Variants in DDX4 observed in about 807,000 individuals in gnomAD.
The protein encoded by DDX4 is probable ATP-dependent RNA helicase DDX4.
DDX4 carries 25 observed loss-of-function variants against 100.0 expected under a neutral mutation model. The ratio of observed to expected loss-of-function variants is 0.25; its 90% CI spans 0.18 to 0.35. The LOEUF (loss-of-function observed/expected upper bound fraction) is 0.35. Ranked by LOEUF, DDX4 falls within the 10% of genes least tolerant of loss-of-function variation. DDX4 has a pLI of 1.00. For synonymous variants in DDX4, 259 were observed against 275.7 expected (o/e 0.94, Z 0.60); for missense variants, 635 against 882.4 (o/e 0.72, Z 3.55).
In DDX4 at chr5:55,738,952, C is replaced by G. The variant is rs1758837444; in HGVS notation, c.-12C>G. 6.5e-7 allele frequency: 1 copy of G among 1,538,300 alleles called. No homozygotes were observed. The highest frequency in any genetic ancestry group is 9.0e-7 in the Non-Finnish European group (1 of 1,116,022). The stretch of plus-strand genomic sequence containing the variant: ...CATTTTTTTTTTTTTATGAATAGAA[C>G]TTGAAGCCACCATGGGAGATGAAGA... On this transcript the variant is annotated splice_region_variant and 5_prime_UTR_variant, in exon 2 of 22. Coordinates refer to ENST00000505374, the MANE Select transcript of DDX4 (RefSeq NM_024415.3).
Position 55,816,218 on chromosome 5 carries a change from T to A in DDX4, c.2098-245T>A, listed in dbSNP as rs141120065. On this transcript the variant is annotated intron_variant, in intron 21 of 21. Transcript: ENST00000505374. ...TGTAGTGCATTAAGTTTTCCCCACT[T>A]GTCAAAACTATTGACTTAAAAAATA... Among the ~76,000 whole-genome samples the A allele has an allele frequency of 1.3e-3, 204 of 152,296 alleles. 1 individual carries two copies. The highest frequency in any genetic ancestry group is 4.8e-3 in the African/African-American group (199 of 41,566).
At chr5:55,750,621 A>G (rs1337863693) in intron 3 of DDX4, among the ~76,000 whole-genome samples, 2 of 152,072 alleles carry the variant, frequency 1.3e-5, no homozygotes, top group Non-Finnish European at 2.9e-5. Flanking sequence ...AACCTCAAAT[A>G]TTTCTTCATT....
chr5:55,814,546 G>C (rs979233893), intron 19 of DDX4, among the ~76,000 whole-genome samples: 3 of 151,518 alleles, frequency 2.0e-5, no homozygotes, highest in Admixed American at 2.0e-4. Context: ...ATCCAGGCTG[G>C]AGTGCAATGG....
At chr5:55,741,095 A>G (rs553609971) in intron 2 of DDX4, among the ~76,000 whole-genome samples, 2 of 152,292 alleles carry the variant, frequency 1.3e-5, no homozygotes, top group South Asian at 2.1e-4. Flanking sequence ...CCTGGTCTTA[A>G]TAGCCATCTG....
chr5:55,787,833 A>G lies in DDX4; in HGVS notation c.1018-13A>G. The stretch of plus-strand genomic sequence containing the variant: ...GTGCTATAAGTTTGTAAACTAAGCA[A>G]CTTAACTTCTAGGCGGCTTTTCTCC... On this transcript the variant is annotated splice_polypyrimidine_tract_variant and intron_variant, in intron 14 of 21. Coordinates refer to ENST00000505374, the MANE Select transcript of DDX4 (RefSeq NM_024415.3). The G allele has an allele frequency of 2.5e-6, 4 of 1,610,640 alleles. No individual in the cohort carries two copies. Among genetic ancestry groups the G allele is most frequent in the South Asian group, 2.2e-5 (2 of 90,374 alleles).
At chr5:55,742,606 T>C (rs1199407253) in intron 2 of DDX4, among the ~76,000 whole-genome samples, 1 of 152,234 alleles carries the variant, frequency 6.6e-6, no homozygotes, top group South Asian at 2.1e-4. Flanking sequence ...AGAACACTTA[T>C]GTGTTAAACA....
intron 12 of DDX4, 31 bp from the exon 13 acceptor site, chr5:55,785,698 C>A: frequency 6.3e-7 from 1 of 1,587,748 alleles, no homozygotes; most frequent in Non-Finnish European, 8.6e-7. Context: ...GTCTCTGTAA[C>A]GTACATTATG....
chr5:55,801,846 C>T (rs954597231), intron 18 of DDX4, among the ~76,000 whole-genome samples: 7 of 152,178 alleles, frequency 4.6e-5, no homozygotes, highest in African/African-American at 1.4e-4. Context: ...GAAACTAAGT[C>T]TCAGAAACTC....
Position 55,780,051 on chromosome 5 carries a change from G to T in DDX4, c.482G>T (p.Gly161Val), listed in dbSNP as rs1225541174. Residue 161 changes from glycine to valine, a missense_variant, in exon 8 of 22, where the codon GGT (glycine) becomes GTT (valine). Around this residue, in one of 4 missense-constraint regions of DDX4, gnomAD observed 446 missense variants for 540.8 expected, o/e 0.82. Transcript: ENST00000505374. ...TTCCGAGGTTGCCGTGGAGGATTTGGTCTAGGAAGTCCAAGTTAGTACTGG... is the reference window on the plus strand; with the variant it reads ...TTCCGAGGTTGCCGTGGAGGATTTGTTCTAGGAAGTCCAAGTTAGTACTGG... ...GSFRGCRGGFGLGSPNNDLDP... is the reference protein window; with the variant it reads ...GSFRGCRGGFVLGSPNNDLDP... The T allele has an allele frequency of 1.2e-6, 2 of 1,613,866 alleles. No individual in the cohort carries two copies. The highest frequency in any genetic ancestry group is 1.7e-5 in the Admixed American group (1 of 59,994).
At position 55,760,191 on chromosome 5, in the gene DDX4, T is replaced by G; in HGVS notation, c.128-9T>G. On this transcript the variant is annotated splice_polypyrimidine_tract_variant and intron_variant, in intron 3 of 21. Transcript: ENST00000505374. ...TATTTGACTTACTTCAAAATGTTGT[T>G]TGCTTTAGAAATGGATGATGGACCT... The G allele has an allele frequency of 6.4e-7, 1 of 1,570,086 alleles. No homozygotes were observed. The highest frequency in any genetic ancestry group is 2.4e-5 in the East Asian group (1 of 40,902).
rs77283484 is a variant in DDX4 at position 55,781,294 on chromosome 5, A to G, written c.577+148A>G. 1.0e-3 allele frequency: 551 copies of G among 550,194 alleles called. 4 individuals are homozygous for G. The highest frequency in any genetic ancestry group is 9.3e-3 in the African/African-American group (483 of 51,734). The allele number at this position is 550,194 out of a possible 1,614,324, so 34.1% of individuals were successfully genotyped here. A position where few individuals can be genotyped will look rare whatever the true frequency, so the allele number is the denominator to read the frequency against. ...ATCTGTAGGTAAAAATATGTGGACA[A>G]TTTTGTCTCCCTTATAAAATTTGTG... On this transcript the variant is annotated intron_variant, in intron 9 of 21. Transcript: ENST00000505374.
At chr5:55,748,587 C>A (rs973974264) in intron 3 of DDX4, among the ~76,000 whole-genome samples, 1 of 151,802 alleles carries the variant, frequency 6.6e-6, no homozygotes, top group Non-Finnish European at 1.5e-5. Context: ...ATATTGATTG[C>A]CTGCTTACCT....
chr5:55,747,617 G>A (rs1759313177), intron 3 of DDX4, among the ~76,000 whole-genome samples: 1 of 152,174 alleles, frequency 6.6e-6, no homozygotes, highest in Admixed American at 6.5e-5. Flanking sequence ...AATGTGTACA[G>A]TTCAGCAGCA....
At chr5:55,755,296 C>G (rs1208995188) in intron 3 of DDX4, among the ~76,000 whole-genome samples, 1 of 152,098 alleles carries the variant, frequency 6.6e-6, no homozygotes, top group Non-Finnish European at 1.5e-5. Flanking sequence ...CATTAGGCTA[C>G]TAATAGTTAT....
rs1488520098 is a variant in DDX4 at position 55,792,651 on chromosome 5, A to G, written c.1313A>G (p.Lys438Arg). Residue 438 changes from lysine (K) to arginine (R), a missense_variant, in exon 17 of 22, where the codon AAA becomes AGA. By Grantham distance (26) the Lys-to-Arg change is conservative. Transcript: ENST00000505374. ...AAAATATCCTTAAAGATTGGTCTCAAACAGATCAAATACTTAGTTTTGGAT... is the reference window on the plus strand; with the variant it reads ...AAAATATCCTTAAAGATTGGTCTCAGACAGATCAAATACTTAGTTTTGGAT... ...DIIGKEKIGL[K>R]QIKYLVLDEA... is the part of the protein sequence containing the mutation. 1.9e-5 allele frequency: 30 copies of G among 1,576,580 alleles called. No homozygotes were observed. The highest frequency in any genetic ancestry group is 2.5e-5 in the Non-Finnish European group (29 of 1,157,724).
intron 15 of DDX4, among the ~76,000 whole-genome samples, chr5:55,789,401 A>T (rs1444679074): frequency 6.6e-6 from 1 of 152,188 alleles, no homozygotes; most frequent in Admixed American, 6.5e-5. Context: ...TTCTGGTTTT[A>T]TTGTCAACCA....
At position 55,816,624 on chromosome 5, in the gene DDX4, C is replaced by T. The variant is rs1460592785; in HGVS notation, c.*84C>T. 4.5e-6 allele frequency: 7 copies of T among 1,547,712 alleles called. No homozygotes were observed. The East Asian group carries it at 7.0e-5, about 16-fold the overall frequency. On this transcript the variant is annotated 3_prime_UTR_variant, in exon 22 of 22. Coordinates refer to ENST00000505374, the MANE Select transcript of DDX4 (RefSeq NM_024415.3). ...TTGAGTTTTTAACAGAAGTATAAAA[C>T]TTAACATTCTCATAGCTCCTGTCCT...
chr5:55,807,037 T>C (rs1213373809), intron 18 of DDX4, among the ~76,000 whole-genome samples: 1 of 152,238 alleles, frequency 6.6e-6, no homozygotes, highest in African/African-American at 2.4e-5. Context: ...TTAGGATAGT[T>C]AGCTCTTCTT....
intron 2 of DDX4, among the ~76,000 whole-genome samples, chr5:55,739,469 A>G (rs1418515914): frequency 6.6e-6 from 1 of 152,244 alleles, no homozygotes. Flanking sequence ...ATCAGTTTGT[A>G]TGAATCTTCA....
Sources: allele counts gnomAD v4.1 joint callset (sites outside exome capture counted in the v4.1 genomes callset), GRCh38; gene constraint gnomAD v4.1.1; regional missense constraint gnomAD v4.1.1; transcripts MANE v1.5; gene names NCBI Gene and HGNC (gene_info 2026-07-23, HGNC 2026-07-21).